The following SOCS2 variants were observed in gnomAD, a reference collection of about 807,000 sequenced individuals.
SOCS2 encodes the protein CIS-2.
In SOCS2, 10 loss-of-function variants were observed where a neutral mutation model predicts 18.6. The observed-to-expected ratio is 0.54, with a 90% CI of 0.33 to 0.91. SOCS2 has a LOEUF of 0.91. SOCS2 is among the 40% of genes least tolerant of loss of function. The pLI, the probability that SOCS2 is intolerant of heterozygous loss-of-function variation, is 0.02. For missense variants in SOCS2, 231 were observed against 247.2 expected (o/e 0.93, Z 0.44); for synonymous variants, 104 against 104.0 (o/e 1.00, Z 0.00).
At chr12:93,621,561 C>T in the SOCS2 span, among the ~76,000 whole-genome samples, 4 of 152,300 alleles carry the variant, frequency 2.6e-5, no homozygotes, top group Admixed American at 1.3e-4. Flanking sequence ...ACTGCAGCCT[C>T]GAACGGTCAG....
At chr12:93,614,446 CCTT>C in the SOCS2 span, among the ~76,000 whole-genome samples, 6 of 68,422 alleles carry the variant, frequency 8.8e-5, no homozygotes, top group East Asian at 4.9e-4. Context: ...TTCCTTCCTT[CCTT>C]CCTTCCTTCC....
chr12:93,619,689 C>T, the SOCS2 span, among the ~76,000 whole-genome samples: 1 of 152,192 alleles, frequency 6.6e-6, no homozygotes, highest in Non-Finnish European at 1.5e-5. Flanking sequence ...AAAGAGAAAT[C>T]ATGGAGCCAG....
the SOCS2 span, among the ~76,000 whole-genome samples, chr12:93,601,772 C>G: frequency 6.6e-5 from 10 of 152,170 alleles, no homozygotes; most frequent in African/African-American, 2.4e-4. Context: ...AAAAATTAAG[C>G]ATGACCACTC....
At chr12:93,592,045 GTCAGT>G in the SOCS2 span, among the ~76,000 whole-genome samples, 2 of 152,218 alleles carry the variant, frequency 1.3e-5, no homozygotes, top group East Asian at 3.9e-4. Context: ...TCAAAATTTA[GTCAGT>G]TCAGAAGTGC....
chr12:93,614,836 A>C, the SOCS2 span, among the ~76,000 whole-genome samples: 1 of 149,652 alleles, frequency 6.7e-6, no homozygotes, highest in Non-Finnish European at 1.5e-5. Context: ...CTGGTCTTGA[A>C]CTCCCGACCT....
At chr12:93,597,704 T>C in the SOCS2 span, among the ~76,000 whole-genome samples, 1 of 152,230 alleles carries the variant, frequency 6.6e-6, no homozygotes, top group South Asian at 2.1e-4. Context: ...ACTTATGTAA[T>C]CACCACTCAG....
the SOCS2 span, among the ~76,000 whole-genome samples, chr12:93,607,911 T>G: frequency 6.6e-6 from 1 of 152,148 alleles, no homozygotes; most frequent in Non-Finnish European, 1.5e-5. Context: ...CAGTTACGGC[T>G]TCTAAAAAAT....
the SOCS2 span, among the ~76,000 whole-genome samples, chr12:93,606,894 C>T: frequency 6.6e-6 from 1 of 152,166 alleles, no homozygotes; most frequent in African/African-American, 2.4e-5. Flanking sequence ...CTCAAGTGAT[C>T]CACATGCCTT....
the SOCS2 span, among the ~76,000 whole-genome samples, chr12:93,613,869 A>G: frequency 2.0e-5 from 3 of 152,230 alleles, no homozygotes; most frequent in Admixed American, 6.5e-5. Context: ...ATATACTACT[A>G]TAGCGTGTCA....
the SOCS2 span, among the ~76,000 whole-genome samples, chr12:93,611,880 A>G: frequency 5.9e-5 from 9 of 151,704 alleles, no homozygotes; most frequent in South Asian, 2.1e-4. Context: ...TTTTTCATCT[A>G]TCACAAAGGA....
the SOCS2 span, among the ~76,000 whole-genome samples, chr12:93,609,149 C>T: frequency 9.2e-5 from 14 of 151,884 alleles, no homozygotes; most frequent in Admixed American, 2.0e-4. Context: ...CCCAGCACTT[C>T]GGGAGGCCGA....
At chr12:93,578,213 A>G (rs1954493104), downstream of SOCS2, among the ~76,000 whole-genome samples, 1 of 152,194 alleles carries the variant, frequency 6.6e-6, no homozygotes, top group South Asian at 2.1e-4. Flanking sequence ...GAAAGTCTTG[A>G]CTTCATAATA....
chr12:93,593,298 C>T, the SOCS2 span, among the ~76,000 whole-genome samples: 1 of 152,160 alleles, frequency 6.6e-6, no homozygotes, highest in Non-Finnish European at 1.5e-5. Context: ...CTAAAGCTCT[C>T]CGCCTACTCA....
At chr12:93,600,945 C>G in the SOCS2 span, among the ~76,000 whole-genome samples, 2 of 151,438 alleles carry the variant, frequency 1.3e-5, no homozygotes, top group Non-Finnish European at 2.9e-5. Flanking sequence ...TGCATCACCA[C>G]ACCTGACTAA....
downstream of SOCS2, among the ~76,000 whole-genome samples, chr12:93,581,710 C>T (rs1244366467): frequency 2.6e-5 from 4 of 152,066 alleles, no homozygotes; most frequent in Non-Finnish European, 4.4e-5. Flanking sequence ...TTTCTCCCTC[C>T]TTCTCTCCTT....
chr12:93,607,329 A>T, the SOCS2 span, among the ~76,000 whole-genome samples: 1 of 152,220 alleles, frequency 6.6e-6, no homozygotes, highest in East Asian at 1.9e-4. Context: ...CTTCCATGAA[A>T]CACAATTTGA....
chr12:93,591,549 A>G, the SOCS2 span, among the ~76,000 whole-genome samples: 5 of 152,216 alleles, frequency 3.3e-5, no homozygotes, highest in South Asian at 4.1e-4. Context: ...ATGTGCACAC[A>G]CTGTCTCTCA....
chr12:93,585,586 CT>C (rs1954579717), downstream of SOCS2, among the ~76,000 whole-genome samples: 1 of 152,176 alleles, frequency 6.6e-6, no homozygotes, highest in Admixed American at 6.5e-5. Flanking sequence ...CTGCTTCCTT[CT>C]TTTTTTCTGC....
At chr12:93,615,942 C>T in the SOCS2 span, among the ~76,000 whole-genome samples, 3 of 152,176 alleles carry the variant, frequency 2.0e-5, no homozygotes, top group African/African-American at 7.2e-5. Context: ...GGATCCATCC[C>T]TCTTATTTTA....
Sources: gnomAD v4.1 joint callset for allele counts (sites outside exome capture counted in the v4.1 genomes callset) on GRCh38, gnomAD v4.1.1 for gene constraint, MANE v1.5 for transcripts, NCBI Gene and HGNC (gene_info 2026-07-23, HGNC 2026-07-21) for gene names.